MAGI2: variants seen among roughly 807,000 people sequenced by gnomAD.
MAGI2 encodes the protein membrane associated guanylate kinase, WW and PDZ domain containing 2, also known as membrane-associated guanylate kinase, WW and PDZ domain-containing protein 2.
A neutral mutation model predicts 133.3 loss-of-function variants in MAGI2; 35 were observed. The ratio of observed to expected loss-of-function variants is 0.26; its 90% CI spans 0.20 to 0.35. The LOEUF (loss-of-function observed/expected upper bound fraction) is 0.35, where lower values mean the gene tolerates loss of function less well. MAGI2 is among the 10% of genes least tolerant of loss of function. The pLI, the probability that MAGI2 is intolerant of heterozygous loss-of-function variation, is 1.00. For synonymous variants in MAGI2, 729 were observed against 710.6 expected, an observed-to-expected ratio of 1.03 and a Z score of -0.41; for missense variants, 1,636 against 1,863.4, an observed-to-expected ratio of 0.88 and a Z score of 2.25.
At chr7:78,666,121 CTCAAAATAATAGT>C (rs1289478538) in intron 2 of MAGI2, among the ~76,000 whole-genome samples, 2 of 152,084 alleles carry the variant, frequency 1.3e-5, no homozygotes, top group African/African-American at 4.8e-5. Flanking sequence ...CAACGTAAGT[CTCAAAATAATAGT>C]ACACCTGTTT....
At chr7:78,022,381 G>C (rs1427929722) in intron 21 of MAGI2, among the ~76,000 whole-genome samples, 1 of 152,164 alleles carries the variant, frequency 6.6e-6, no homozygotes, top group Non-Finnish European at 1.5e-5. Flanking sequence ...GAGTTAATTA[G>C]CTGGCCTCAA....
chr7:79,224,291 A>T (rs962930556), intron 1 of MAGI2, among the ~76,000 whole-genome samples: 1 of 152,038 alleles, frequency 6.6e-6, no homozygotes, highest in Admixed American at 6.6e-5. Context: ...TATTGCCTGG[A>T]GAATACAATC....
intron 6 of MAGI2, chr7:78,486,070 T>C (rs991201087): frequency 6.6e-6 from 1 of 152,096 alleles, no homozygotes; most frequent in African/African-American, 2.4e-5. Flanking sequence ...TCTGGGCTCT[T>C]AGAACAGTAT....
chr7:78,563,155 C>T (rs948895813), intron 3 of MAGI2, among the ~76,000 whole-genome samples: 1 of 151,994 alleles, frequency 6.6e-6, no homozygotes, highest in African/African-American at 2.4e-5. Flanking sequence ...TTTTTAAAGT[C>T]TCTATTAAAG....
At chr7:78,706,031 G>A (rs440900) in intron 2 of MAGI2, among the ~76,000 whole-genome samples, 102,519 of 151,278 alleles carry the variant, frequency 0.68, 34,843 homozygotes, top group East Asian at 0.84. Context: ...TTGAAAACCT[G>A]AAGTTTCTAG....
chr7:79,257,594 T>C (rs926428462), intron 1 of MAGI2, among the ~76,000 whole-genome samples: 7 of 152,188 alleles, frequency 4.6e-5, no homozygotes, highest in Non-Finnish European at 7.3e-5. Context: ...GTCTTTACAA[T>C]GAATATGAGT....
At chr7:78,861,245 GC>G (rs200354566) in intron 2 of MAGI2, among the ~76,000 whole-genome samples, 7 of 152,046 alleles carry the variant, frequency 4.6e-5, no homozygotes, top group Non-Finnish European at 8.8e-5. Flanking sequence ...TGCCTGACAA[GC>G]CCCAGTGAGA....
chr7:79,002,208 T>A (rs575312782), intron 2 of MAGI2, among the ~76,000 whole-genome samples: 5 of 151,636 alleles, frequency 3.3e-5, no homozygotes, highest in Admixed American at 6.6e-5. Context: ...CATGGCTCAC[T>A]GCAGCCTTGA....
At chr7:78,952,195 C>T (rs1255898134) in intron 2 of MAGI2, among the ~76,000 whole-genome samples, 1 of 152,124 alleles carries the variant, frequency 6.6e-6, no homozygotes, top group African/African-American at 2.4e-5. Flanking sequence ...AAAGTTAAGA[C>T]TTCTGGTCTT....
intron 1 of MAGI2, among the ~76,000 whole-genome samples, chr7:79,279,740 A>G (rs1002992547): frequency 2.0e-5 from 3 of 152,324 alleles, no homozygotes; most frequent in South Asian, 4.1e-4. Flanking sequence ...GTAAGTCAAT[A>G]GTCCTTTCAA....
At chr7:79,025,088 G>T (rs919738579) in intron 1 of MAGI2, among the ~76,000 whole-genome samples, 3 of 152,058 alleles carry the variant, frequency 2.0e-5, no homozygotes, top group Non-Finnish European at 2.9e-5. Context: ...CAATAGCAAA[G>T]ACATGGAATC....
chr7:78,232,394 T>C (rs1007078060), intron 10 of MAGI2, among the ~76,000 whole-genome samples: 3 of 152,214 alleles, frequency 2.0e-5, no homozygotes, highest in African/African-American at 7.2e-5. Flanking sequence ...AAAAACATAA[T>C]ACTAAATTTA....
intron 2 of MAGI2, among the ~76,000 whole-genome samples, chr7:78,728,479 C>T (rs1821036298): frequency 1.3e-5 from 2 of 148,632 alleles, no homozygotes; most frequent in Admixed American, 6.7e-5. Context: ...ACACTCTTGA[C>T]CTAGTACCAT....
At chr7:78,675,148 C>A (rs1482239542) in intron 2 of MAGI2, among the ~76,000 whole-genome samples, 2 of 152,044 alleles carry the variant, frequency 1.3e-5, no homozygotes, top group East Asian at 3.9e-4. Flanking sequence ...CAAACACATA[C>A]TCTTTAGTTT....
intron 2 of MAGI2, among the ~76,000 whole-genome samples, chr7:78,735,521 G>C (rs530380999): frequency 6.6e-6 from 1 of 152,130 alleles, no homozygotes; most frequent in Admixed American, 6.5e-5. Context: ...CATTGGCATT[G>C]GTTTTCCTTG....
chr7:79,127,787 G>A (rs1820562115), intron 1 of MAGI2, among the ~76,000 whole-genome samples: 1 of 152,154 alleles, frequency 6.6e-6, no homozygotes. Context: ...TTGCTGTGCA[G>A]AAGCTCTTTA....
intron 3 of MAGI2, among the ~76,000 whole-genome samples, chr7:78,569,738 A>G (rs1194371693): frequency 6.6e-6 from 1 of 152,204 alleles, no homozygotes; most frequent in Non-Finnish European, 1.5e-5. Flanking sequence ...CAAAGGAAAC[A>G]CCCACATGAA....
chr7:78,610,303 C>T (rs888849668), intron 3 of MAGI2, among the ~76,000 whole-genome samples: 3 of 152,168 alleles, frequency 2.0e-5, no homozygotes, highest in Admixed American at 2.0e-4. Flanking sequence ...GGAGGACAGG[C>T]TGACTTGGTT....
chr7:78,605,908 G>C (rs533686345), intron 3 of MAGI2, among the ~76,000 whole-genome samples: 1 of 152,270 alleles, frequency 6.6e-6, no homozygotes, highest in South Asian at 2.1e-4. Context: ...ACACTAGAGA[G>C]ATTACTCCAG....
Sources: gnomAD v4.1 joint callset for allele counts (sites outside exome capture counted in the v4.1 genomes callset) on GRCh38, gnomAD v4.1.1 for gene constraint, MANE v1.5 for transcripts, NCBI Gene and HGNC (gene_info 2026-07-23, HGNC 2026-07-21) for gene names.